APBA2: variants seen among roughly 807,000 people sequenced by gnomAD.
APBA2 encodes the protein amyloid beta precursor protein binding family A member 2, also known as amyloid-beta A4 precursor protein-binding family A member 2.
APBA2 carries 30 observed loss-of-function variants against 75.0 expected under a neutral mutation model. The observed-to-expected ratio is 0.40, with a 90% confidence interval of 0.30 to 0.54. The LOEUF (loss-of-function observed/expected upper bound fraction) is 0.54, where lower values mean the gene tolerates loss of function less well. APBA2 is among the 20% of genes least tolerant of loss of function. APBA2 has a pLI of 0.49. For synonymous variants in APBA2, 444 were observed against 409.6 expected, an observed-to-expected ratio of 1.08 and a Z score of -1.01; for missense variants, 801 against 1,016.1, an observed-to-expected ratio of 0.79 and a Z score of 2.88.
chr15:29,053,840 C>A lies in APBA2; in HGVS notation c.-40-5C>A, dbSNP rs767343117. The stretch of plus-strand genomic sequence containing the variant: ...CTCTGTCCTTCCCAATGTTCCTCCC[C>A]ACAGTGGCTGCCTCCGGGTGATGAT... On this transcript the variant is annotated splice_region_variant and splice_polypyrimidine_tract_variant and intron_variant, in intron 3 of 14. Transcript: ENST00000683413. The A allele has an allele frequency of 6.0e-5, 94 of 1,559,700 alleles. No homozygotes were observed. The highest frequency in any genetic ancestry group is 8.1e-5 in the Non-Finnish European group (93 of 1,142,982).
chr15:28,907,478 G>A (rs1169415799), intron 1 of APBA2, among the ~76,000 whole-genome samples: 3 of 152,070 alleles, frequency 2.0e-5, no homozygotes, highest in Admixed American at 2.0e-4. Context: ...CCTTTGACTA[G>A]AATCATCCTT....
At chr15:29,089,635 C>T (rs1356577302) in intron 6 of APBA2, among the ~76,000 whole-genome samples, 3 of 152,196 alleles carry the variant, frequency 2.0e-5, no homozygotes, top group African/African-American at 7.2e-5. Flanking sequence ...AGGCTTGAAG[C>T]TGTGGGACTC....
intron 2 of APBA2, among the ~76,000 whole-genome samples, chr15:28,980,152 C>A (rs1277745952): frequency 1.3e-5 from 2 of 152,020 alleles, no homozygotes; most frequent in Non-Finnish European, 2.9e-5. Flanking sequence ...TTTGGGGGAA[C>A]CAGAAAAGAT....
Position 29,113,608 on chromosome 15 carries a change from G to A in APBA2, c.2038-268G>A, listed in dbSNP as rs558526179. Among the ~76,000 whole-genome samples, 62 of 152,196 alleles carry A rather than the reference G, an allele frequency of 4.1e-4. 2 individuals are homozygous for A. The highest frequency in any genetic ancestry group is 2.9e-3 in the Admixed American group (45 of 15,290). On this transcript the variant is annotated intron_variant, in intron 13 of 14. Transcript: ENST00000683413. ...TCTCTAGCCTGACCACAAAGGGAGC[G>A]GCCCTGGGGGAGGTGCAGCTGGGGG...
intron 3 of APBA2, among the ~76,000 whole-genome samples, chr15:29,014,985 A>G (rs2039586016): frequency 6.6e-6 from 1 of 152,068 alleles, no homozygotes; most frequent in Non-Finnish European, 1.5e-5. Flanking sequence ...TGCCCAAATC[A>G]GTCTACAGTG....
intron 2 of APBA2, among the ~76,000 whole-genome samples, chr15:28,962,467 G>T (rs1273208119): frequency 6.6e-6 from 1 of 152,118 alleles, no homozygotes; most frequent in Non-Finnish European, 1.5e-5. Context: ...TACTCAGGAG[G>T]CTGAGGCAGG....
chr15:29,001,407 C>A (rs1368090183), intron 3 of APBA2, among the ~76,000 whole-genome samples: 1 of 152,078 alleles, frequency 6.6e-6, no homozygotes, highest in African/African-American at 2.4e-5. Flanking sequence ...GAGGGCATTT[C>A]ACCATATTGT....
At chr15:28,915,913 TAC>T (rs1217618150) in intron 1 of APBA2, among the ~76,000 whole-genome samples, 20 of 150,472 alleles carry the variant, frequency 1.3e-4, no homozygotes, top group African/African-American at 2.4e-4. Flanking sequence ...CACACCATAC[TAC>T]ACAGTTACCA....
At chr15:28,905,096 C>T (rs1485041704) in intron 1 of APBA2, among the ~76,000 whole-genome samples, 1 of 152,174 alleles carries the variant, frequency 6.6e-6, no homozygotes. Flanking sequence ...GCACAGGTGC[C>T]TGGGAGTCTG....
intron 14 of APBA2, among the ~76,000 whole-genome samples, chr15:29,114,524 T>C (rs80215575): frequency 0.07 from 10,693 of 151,814 alleles, 1,232 homozygotes; most frequent in African/African-American, 0.25. Context: ...GGGATGGTGC[T>C]GGGGAGGTGG....
At chr15:28,933,134 T>C (rs894022295) in intron 2 of APBA2, among the ~76,000 whole-genome samples, 3 of 152,158 alleles carry the variant, frequency 2.0e-5, no homozygotes, top group Non-Finnish European at 2.9e-5. Flanking sequence ...AATACATTCA[T>C]GAGGGTAGAG....
intron 3 of APBA2, among the ~76,000 whole-genome samples, chr15:29,033,964 C>CAAAAAA (rs34808408): frequency 2.0e-3 from 77 of 39,292 alleles, no homozygotes; most frequent in Non-Finnish European, 3.0e-3. Context: ...GACTCCATCT[C>CAAAAAA]AAAAAAAAAA....
chr15:29,061,364 G>C (rs757826718), intron 4 of APBA2, among the ~76,000 whole-genome samples: 9 of 152,152 alleles, frequency 5.9e-5, no homozygotes, highest in Non-Finnish European at 1.3e-4. Flanking sequence ...GGACCTCCAT[G>C]GCTACCGAGT....
intron 2 of APBA2, among the ~76,000 whole-genome samples, chr15:28,923,434 A>G (rs904918829): frequency 2.0e-5 from 3 of 152,086 alleles, no homozygotes; most frequent in Non-Finnish European, 2.9e-5. Flanking sequence ...GAGTTATGTC[A>G]TCATTTAGGT....
chr15:28,931,214 G>A (rs1201352987), intron 2 of APBA2, among the ~76,000 whole-genome samples: 2 of 152,216 alleles, frequency 1.3e-5, no homozygotes, highest in Non-Finnish European at 2.9e-5. Context: ...GTGGGATGCA[G>A]GCGTGCTTGT....
Position 29,054,236 on chromosome 15 carries a change from G to A in APBA2, c.352G>A (p.Gly118Arg). The change falls in exon 4 of 15, where the codon GGG (glycine) becomes AGG (arginine). Residue 118 changes from glycine to arginine, a missense_variant. Physicochemically the swap from Gly to Arg is moderately radical, Grantham distance 125. Transcript: ENST00000683413. The surrounding 1 kb of genome is among the most constrained non-coding windows in gnomAD (Gnocchi z 6.1). Reference sequence around the variant, plus strand: ...CTACCTAGAGGGCATGGACTGCAACGGGGAGGAGTACCTGGCCCACAGTGC... The same window carrying A: ...CTACCTAGAGGGCATGGACTGCAACAGGGAGGAGTACCTGGCCCACAGTGC... Reference protein sequence around the residue: ...DSYLEGMDCNGEEYLAHSAHP... With the variant: ...DSYLEGMDCNREEYLAHSAHP... 5 of 1,614,150 alleles carry A rather than the reference G, an allele frequency of 3.1e-6. No individual in the cohort carries two copies. Among genetic ancestry groups the A allele is most frequent in the Non-Finnish European group, 3.4e-6 (4 of 1,180,030 alleles).
At chr15:28,906,622 G>A (rs1293083937) in intron 1 of APBA2, among the ~76,000 whole-genome samples, 2 of 152,128 alleles carry the variant, frequency 1.3e-5, no homozygotes, top group African/African-American at 2.4e-5. Flanking sequence ...GTGGGGCAGC[G>A]GTGTCCCCAC....
rs1434536110 is a variant in APBA2, at chr15:28,918,890, C to T, written c.-204-2750C>T. ...TTTTTTTTTTTTGTAGACGGAGTCGCGCTCTGTCTCCCAGGCTGGAGTGCA... is the reference window on the plus strand; with the variant it reads ...TTTTTTTTTTTTGTAGACGGAGTCGTGCTCTGTCTCCCAGGCTGGAGTGCA... On this transcript the variant is annotated intron_variant, in intron 1 of 14. Coordinates refer to ENST00000683413, the MANE Select transcript of APBA2 (RefSeq NM_001353788.2). This position sits in a 1 kb window ranked among gnomAD's most constrained non-coding sequence, Gnocchi z 4.2. 3.3e-5 allele frequency among the ~76,000 whole-genome samples: 5 copies of T among 151,614 alleles called. No individual in the cohort carries two copies. Among genetic ancestry groups the T allele is most frequent in the African/African-American group, 1.2e-4 (5 of 41,244 alleles).
At chr15:29,115,891 G>C (rs1230570317) in intron 14 of APBA2, among the ~76,000 whole-genome samples, 2 of 152,314 alleles carry the variant, frequency 1.3e-5, no homozygotes, top group East Asian at 3.9e-4. Flanking sequence ...GCTTGCCTGA[G>C]GAGGGGCAGA....
Sources: gnomAD v4.1 joint callset for allele counts (sites outside exome capture counted in the v4.1 genomes callset) on GRCh38, gnomAD v4.1.1 for gene constraint, Gnocchi (gnomAD v3.1) non-coding constraint, MANE v1.5 for transcripts, NCBI Gene and HGNC (gene_info 2026-07-23, HGNC 2026-07-21) for gene names.